The following UBE2D3 variants were observed in gnomAD, a reference collection of about 807,000 sequenced individuals.
UBE2D3 encodes ubiquitin-conjugating enzyme E2 D3.
In UBE2D3, 2 loss-of-function variants were observed where a neutral mutation model predicts 22.8. The ratio of observed to expected loss-of-function variants is 0.09; its 90% CI spans 0.04 to 0.28. The LOEUF is 0.28. Ranked by LOEUF, UBE2D3 falls within the 10% of genes least tolerant of loss-of-function variation. The probability of loss-of-function intolerance (pLI) is 1.00; values close to 1 mark genes in which losing one functional copy is unlikely to be tolerated. For synonymous variants in UBE2D3, 56 were observed against 60.4 expected, an observed-to-expected ratio of 0.93 and a Z score of 0.34; for missense variants, 27 against 182.5, an observed-to-expected ratio of 0.15 and a Z score of 4.91.
intron 4 of UBE2D3, among the ~76,000 whole-genome samples, chr4:102,805,571 C>G (rs1199326825): frequency 6.6e-6 from 1 of 151,390 alleles, no homozygotes; most frequent in Non-Finnish European, 1.5e-5. Flanking sequence ...ACTGCAACCT[C>G]CACCTCCCAG....
At chr4:102,825,909 C>T in intron 2 of UBE2D3, 4 of 398,554 alleles carry the variant, frequency 1.0e-5, no homozygotes, top group South Asian at 7.3e-5. Context: ...TCCTCCCAAA[C>T]CCACTTATTC....
At chr4:102,807,514 G>A (rs1466542370) in intron 4 of UBE2D3, among the ~76,000 whole-genome samples, 1 of 152,124 alleles carries the variant, frequency 6.6e-6, no homozygotes, top group African/African-American at 2.4e-5. Context: ...ATTTCAGTGA[G>A]TACTGCTACC....
In UBE2D3 at chr4:102,815,838, T is replaced by A. The variant is rs146184170; in HGVS notation, c.25-5983A>T. Among the ~76,000 whole-genome samples, 167 of 152,314 alleles carry A rather than the reference T, an allele frequency of 1.1e-3. 1 individual carries two copies. Among genetic ancestry groups the A allele is most frequent in the African/African-American group, 3.9e-3 (164 of 41,574 alleles). On this transcript the variant is annotated intron_variant, in intron 2 of 7. Transcript: ENST00000453744. ...ATATAGAAAAATGACCTAAGTATTTTAACAATCAAAACAAAGGTCTTTTTT... is the reference window on the plus strand; with the variant it reads ...ATATAGAAAAATGACCTAAGTATTTAAACAATCAAAACAAAGGTCTTTTTT...
At chr4:102,843,286 C>T (rs948721735) in intron 1 of UBE2D3, 1 of 152,016 alleles carries the variant, frequency 6.6e-6, no homozygotes. Flanking sequence ...CTTCCTTAGC[C>T]ATGATTTTGT....
chr4:102,818,245 T>C (rs771811017), intron 2 of UBE2D3, among the ~76,000 whole-genome samples: 3 of 152,212 alleles, frequency 2.0e-5, no homozygotes, highest in Non-Finnish European at 4.4e-5. Flanking sequence ...TAAGAAACTG[T>C]ACTAGCTATA....
chr4:102,805,411 C>T (rs13128934), intron 4 of UBE2D3, among the ~76,000 whole-genome samples: 6,447 of 152,142 alleles, frequency 0.042, 177 homozygotes, highest in Non-Finnish European at 0.062. Flanking sequence ...TTTTCAGAAA[C>T]CTTCTACTTC....
chr4:102,862,088 G>A (rs1202475830), intron 1 of UBE2D3, among the ~76,000 whole-genome samples: 1 of 151,846 alleles, frequency 6.6e-6, no homozygotes, highest in Non-Finnish European at 1.5e-5. Flanking sequence ...AAAGTGTTAT[G>A]GAAGGTGATT....
At position 102,797,476 on chromosome 4, in the gene UBE2D3, T is replaced by C. The variant is rs1184388274; in HGVS notation, c.399-16A>G. 1.3e-6 allele frequency: 2 copies of C among 1,588,366 alleles called. No individual in the cohort carries two copies. Among genetic ancestry groups the C allele is most frequent in the Non-Finnish European group, 1.7e-6 (2 of 1,165,304 alleles). ...TCTGTTGTACCTGTAAATAAAGATG[T>C]TATTTTTAAAAGTTAAAATAAAGAA... On this transcript the variant is annotated splice_polypyrimidine_tract_variant and intron_variant, in intron 7 of 7. Coordinates refer to ENST00000453744, the MANE Select transcript of UBE2D3 (RefSeq NM_181891.3).
intron 4 of UBE2D3, among the ~76,000 whole-genome samples, chr4:102,808,309 G>C (rs893574700): frequency 6.6e-6 from 1 of 152,000 alleles, no homozygotes; most frequent in Admixed American, 6.6e-5. Flanking sequence ...GGCCAAACTG[G>C]GTAACTCAAC....
chr4:102,827,247 G>A (rs1730704564), intron 1 of UBE2D3, 180 bp downstream of exon 1: 3 of 969,526 alleles, frequency 3.1e-6, no homozygotes, highest in African/African-American at 1.8e-5. Context: ...GCGAGGACGC[G>A]CCCATTCCCC....
chr4:102,832,423 G>C (rs1310232974), upstream of UBE2D3, among the ~76,000 whole-genome samples: 1 of 152,060 alleles, frequency 6.6e-6, no homozygotes, highest in African/African-American at 2.4e-5. Context: ...GGATAGAATG[G>C]AGAAATTGAA....
intron 1 of UBE2D3, among the ~76,000 whole-genome samples, chr4:102,861,354 A>T (rs1259539855): frequency 6.6e-6 from 1 of 151,972 alleles, no homozygotes; most frequent in Admixed American, 6.6e-5. Flanking sequence ...TGAGGGCTGG[A>T]ACCTACTAAT....
At chr4:102,809,407 A>C in intron 4 of UBE2D3, 1 of 453,656 alleles carries the variant, frequency 2.2e-6, no homozygotes, top group Non-Finnish European at 4.1e-6. Flanking sequence ...AGTGCTATGT[A>C]GAAAAACTGA....
upstream of UBE2D3, among the ~76,000 whole-genome samples, chr4:102,829,531 G>T (rs1282478004): frequency 6.6e-6 from 1 of 152,182 alleles, no homozygotes; most frequent in Non-Finnish European, 1.5e-5. Context: ...TTCTCACAGG[G>T]TGATTGTGTG....
At chr4:102,848,081 C>G (rs535689983) in intron 1 of UBE2D3, among the ~76,000 whole-genome samples, 154 of 152,264 alleles carry the variant, frequency 1.0e-3, no homozygotes, top group African/African-American at 3.5e-3. Flanking sequence ...CTGGCATAAA[C>G]GGGTTAAGTA....
At chr4:102,808,346 C>G (rs529007043) in intron 4 of UBE2D3, among the ~76,000 whole-genome samples, 1 of 152,238 alleles carries the variant, frequency 6.6e-6, no homozygotes, top group South Asian at 2.1e-4. Flanking sequence ...TAAAATTAAA[C>G]AATATTGCTA....
At chr4:102,827,663 G>C (rs1028660052), upstream of UBE2D3, 1 of 986,300 alleles carries the variant, frequency 1.0e-6, no homozygotes, top group Non-Finnish European at 1.2e-6. Flanking sequence ...GCCGAAGCCA[G>C]ACGGCTTGCT....
intron 2 of UBE2D3, among the ~76,000 whole-genome samples, chr4:102,819,826 G>A (rs930755585): frequency 3.3e-5 from 5 of 152,130 alleles, no homozygotes; most frequent in African/African-American, 1.2e-4. Context: ...AGCACTTTCC[G>A]GAAAACTAAA....
chr4:102,801,013 A>G (rs1224680276), intron 6 of UBE2D3, among the ~76,000 whole-genome samples: 1 of 152,000 alleles, frequency 6.6e-6, no homozygotes, highest in East Asian at 1.9e-4. Flanking sequence ...ATAAAACATG[A>G]CTGAAGATTT....
Sources: gnomAD v4.1 joint callset for allele counts (sites outside exome capture counted in the v4.1 genomes callset) on GRCh38, gnomAD v4.1.1 for gene constraint, MANE v1.5 for transcripts, NCBI Gene and HGNC (gene_info 2026-07-23, HGNC 2026-07-21) for gene names.